Variants in IL33 observed in about 807,000 individuals in gnomAD.
IL33 encodes the protein interleukin 33, also known as interleukin-33.
Under a neutral mutation model 27.3 loss-of-function variants are expected in IL33, and 37 were observed. The ratio of observed to expected loss-of-function variants is 1.36; its 90% CI spans 1.04 to 1.78. The LOEUF (loss-of-function observed/expected upper bound fraction) is 1.78, where lower values mean the gene tolerates loss of function less well. IL33 is among the 40% of genes most tolerant of loss of function. IL33 has a pLI of 0.00. For missense variants in IL33, 406 were observed against 311.4 expected, an observed-to-expected ratio of 1.30 and a Z score of -2.29; for synonymous variants, 132 against 102.9, an observed-to-expected ratio of 1.28 and a Z score of -1.71.
At chr9:6,241,919 G>A (rs1284290637) in intron 2 of IL33, 134 bp downstream of exon 2, 1 of 662,098 alleles carries the variant, frequency 1.5e-6, no homozygotes, top group Non-Finnish European at 2.5e-6. Context: ...AAAAGAGATG[G>A]CACATAAGGG....
intron 1 of IL33, among the ~76,000 whole-genome samples, chr9:6,226,913 G>A (rs1011739876): frequency 2.6e-5 from 4 of 152,234 alleles, no homozygotes; most frequent in Admixed American, 2.6e-4. Context: ...TTGGTGGTTT[G>A]TGTAGCAGCT....
At chr9:6,253,657 G>C in intron 6 of IL33, 55 bp downstream of exon 6, 1 of 1,391,410 alleles carries the variant, frequency 7.2e-7, no homozygotes, top group Non-Finnish European at 1.0e-6. Flanking sequence ...ATGGGGTAAA[G>C]ATAAATCCAA....
At chr9:6,236,283 CTATTTTTTAAATAA>C (rs1819202183) in intron 1 of IL33, among the ~76,000 whole-genome samples, 1 of 151,948 alleles carries the variant, frequency 6.6e-6, no homozygotes, top group African/African-American at 2.4e-5. Context: ...CAGTATGATT[CTATTTTTTAAATAA>C]AAGAGATGTG....
At chr9:6,230,825 C>A (rs2130190266) in intron 1 of IL33, among the ~76,000 whole-genome samples, 1 of 152,226 alleles carries the variant, frequency 6.6e-6, no homozygotes, top group Admixed American at 6.5e-5. Context: ...TCAATTATGC[C>A]CCATTCTACC....
At chr9:6,254,155 A>AT (rs1816582892) in intron 6 of IL33, among the ~76,000 whole-genome samples, 1 of 152,222 alleles carries the variant, frequency 6.6e-6, no homozygotes, top group Non-Finnish European at 1.5e-5. Context: ...AGAGGAATGA[A>AT]TATTGGGTGA....
chr9:6,227,074 GGTAAATTCTTAGAGATATGTGTTTCCT>G (rs1311384768), intron 1 of IL33, among the ~76,000 whole-genome samples: 1 of 152,224 alleles, frequency 6.6e-6, no homozygotes, highest in Admixed American at 6.5e-5. Flanking sequence ...GTCCTGAGAA[GGTAAATTCTTAGAGATATGTGTTTCCT>G]TCCAGCAAGG....
intron 1 of IL33, among the ~76,000 whole-genome samples, chr9:6,225,002 T>G (rs1034552215): frequency 1.3e-5 from 2 of 152,200 alleles, no homozygotes; most frequent in African/African-American, 4.8e-5. Flanking sequence ...AGCCTTTGTA[T>G]ATGCTGAGAT....
chr9:6,240,484 A>G (rs1819467239), intron 1 of IL33, among the ~76,000 whole-genome samples: 1 of 152,212 alleles, frequency 6.6e-6, no homozygotes, highest in South Asian at 2.1e-4. Context: ...GGCTTCAGAG[A>G]GAATAGATTA....
intron 1 of IL33, among the ~76,000 whole-genome samples, chr9:6,222,533 T>C (rs892957634): frequency 6.6e-6 from 1 of 152,226 alleles, no homozygotes; most frequent in Admixed American, 6.5e-5. Flanking sequence ...ACCTGTTCTA[T>C]AATATCAGTT....
At chr9:6,228,529 A>G (rs187206344) in intron 1 of IL33, among the ~76,000 whole-genome samples, 1 of 150,872 alleles carries the variant, frequency 6.6e-6, no homozygotes, top group East Asian at 2.0e-4. Context: ...TTTTCCATAC[A>G]TTGCTTTCTT....
intron 1 of IL33, among the ~76,000 whole-genome samples, chr9:6,226,089 C>T (rs1265683364): frequency 1.3e-5 from 2 of 152,122 alleles, no homozygotes; most frequent in African/African-American, 4.8e-5. Context: ...CTCACTGCGG[C>T]CTCAAACTCC....
intron 4 of IL33, among the ~76,000 whole-genome samples, chr9:6,252,452 T>C (rs1240104048): frequency 4.6e-5 from 7 of 152,226 alleles, no homozygotes; most frequent in African/African-American, 1.7e-4. Context: ...TCTCCAGGAC[T>C]GTCAGAAACT....
chr9:6,216,773 A>G (rs1044513959), intron 1 of IL33, among the ~76,000 whole-genome samples: 1 of 152,238 alleles, frequency 6.6e-6, no homozygotes, highest in African/African-American at 2.4e-5. Context: ...GAAACTTTGA[A>G]TAAAAAATAG....
At chr9:6,227,593 T>C (rs1031179513) in intron 1 of IL33, among the ~76,000 whole-genome samples, 2 of 152,182 alleles carry the variant, frequency 1.3e-5, no homozygotes, top group Non-Finnish European at 2.9e-5. Context: ...CCATGCAATA[T>C]TCTTTTTTCA....
chr9:6,253,976 G>C (rs116793071), intron 6 of IL33, among the ~76,000 whole-genome samples: 5 of 152,154 alleles, frequency 3.3e-5, no homozygotes, highest in African/African-American at 9.7e-5. Context: ...ACAATGCCTG[G>C]TCAGCAGGAC....
intron 7 of IL33, among the ~76,000 whole-genome samples, chr9:6,254,784 C>A (rs1374557156): frequency 6.6e-6 from 1 of 152,090 alleles, no homozygotes. Flanking sequence ...CTGCCAGCAG[C>A]AGAGCATCAC....
Position 6,240,691 on chromosome 9 carries a change from C to T in IL33, c.-11-993C>T, listed in dbSNP as rs187387290. On this transcript the variant is annotated intron_variant, in intron 1 of 7. Transcript: ENST00000682010. ...AGTGAGTGAATGTGAAGGCGTAGGTCGTTACTGACCACGACTATAGACTTC... is the reference window on the plus strand; with the variant it reads ...AGTGAGTGAATGTGAAGGCGTAGGTTGTTACTGACCACGACTATAGACTTC... 1.2e-3 allele frequency among the ~76,000 whole-genome samples: 184 copies of T among 152,216 alleles called. 1 individual carries two copies. Among genetic ancestry groups the T allele is most frequent in the African/African-American group, 4.1e-3 (170 of 41,514 alleles).
chr9:6,237,975 ATGCG>A (rs1819328795), intron 1 of IL33, among the ~76,000 whole-genome samples: 1 of 152,220 alleles, frequency 6.6e-6, no homozygotes, highest in African/African-American at 2.4e-5. Flanking sequence ...ATTATTCCAA[ATGCG>A]TGATTACAAA....
At chr9:6,243,833 A>C (rs964680522) in intron 2 of IL33, among the ~76,000 whole-genome samples, 3 of 152,224 alleles carry the variant, frequency 2.0e-5, no homozygotes, top group Non-Finnish European at 4.4e-5. Flanking sequence ...GCTAGAAAAG[A>C]AAGCAGAGTT....
Sources: gnomAD v4.1 joint callset for allele counts (sites outside exome capture counted in the v4.1 genomes callset) on GRCh38, gnomAD v4.1.1 for gene constraint, MANE v1.5 for transcripts, NCBI Gene and HGNC (gene_info 2026-07-23, HGNC 2026-07-21) for gene names.